ZNF578: variants seen among roughly 807,000 people sequenced by gnomAD.
ZNF578 encodes Putative chemokine-related protein B42.
Under a neutral mutation model 8.3 loss-of-function variants are expected in ZNF578, and 8 were observed. The observed-to-expected ratio is 0.96, with a 90% CI of 0.56 to 1.74. The LOEUF is 1.74. Among genes scored for constraint, ZNF578 ranks in the 40% most tolerant of loss-of-function variants. The pLI is 0.00. For synonymous variants in ZNF578, 206 were observed against 232.2 expected (o/e 0.89, Z 1.03); for missense variants, 726 against 707.5 (o/e 1.03, Z -0.30).
intron 3 of ZNF578, among the ~76,000 whole-genome samples, 183 bp downstream of exon 3, chr19:52,491,608 C>G (rs1397971191): frequency 6.6e-6 from 1 of 151,692 alleles, no homozygotes; most frequent in Non-Finnish European, 1.5e-5. Flanking sequence ...CCAGATACTC[C>G]AAAGGCTGAG....
intron 3 of ZNF578, among the ~76,000 whole-genome samples, chr19:52,497,123 G>A (rs536653233): frequency 7.0e-4 from 106 of 150,390 alleles, no homozygotes; most frequent in Admixed American, 2.1e-3. Flanking sequence ...ATATTTATTT[G>A]TTGAGACTCT....
rs149053519 is a variant in ZNF578 at position 52,472,620 on chromosome 19, A to G, written c.-122+15662A>G. Reference sequence around the variant, plus strand: ...CATTACTCTTTTCCATAAAAATCCTATTTTCCTAAGGCCATGGCATGCTCT... The same window carrying G: ...CATTACTCTTTTCCATAAAAATCCTGTTTTCCTAAGGCCATGGCATGCTCT... On this transcript the variant is annotated intron_variant, in intron 2 of 5. Coordinates refer to ENST00000421239, the MANE Select transcript of ZNF578 (RefSeq NM_001099694.2). Among the ~76,000 whole-genome samples, 4 of 152,274 alleles carry G rather than the reference A, an allele frequency of 2.6e-5. No individual in the cohort carries two copies. In the East Asian group the frequency reaches 7.7e-4, roughly 29 times the overall value.
At chr19:52,501,553 G>C (rs1267702895) in intron 3 of ZNF578, among the ~76,000 whole-genome samples, 1 of 152,150 alleles carries the variant, frequency 6.6e-6, no homozygotes, top group East Asian at 1.9e-4. Context: ...GGATGGGTCT[G>C]TGCCCTGAAG....
intron 2 of ZNF578, among the ~76,000 whole-genome samples, chr19:52,490,276 TGTTA>T (rs1305088060): frequency 1.3e-5 from 2 of 152,224 alleles, no homozygotes; most frequent in East Asian, 1.9e-4. Flanking sequence ...CCTCTGACAC[TGTTA>T]GTCAGTTCTT....
chr19:52,501,777 A>G, intron 3 of ZNF578, 50 bp from the exon 4 acceptor site: 1 of 1,584,172 alleles, frequency 6.3e-7, no homozygotes, highest in African/African-American at 1.4e-5. Context: ...TATCACAGGA[A>G]GGGAGTGAGT....
chr19:52,488,781 C>G (rs1289876856), intron 2 of ZNF578, among the ~76,000 whole-genome samples: 4 of 149,144 alleles, frequency 2.7e-5, no homozygotes. Context: ...TAGACGCCGT[C>G]TGAAAAAAAA....
At chr19:52,489,692 G>C (rs1248311203) in intron 2 of ZNF578, among the ~76,000 whole-genome samples, 1 of 149,736 alleles carries the variant, frequency 6.7e-6, no homozygotes, top group Non-Finnish European at 1.5e-5. Flanking sequence ...TTCTCACTGT[G>C]TTGCCCAGCC....
In ZNF578 at chr19:52,511,587, TG is replaced by T. The variant is rs779495382; in HGVS notation, c.1207del (p.Glu403AsnfsTer73). 9.9e-6 allele frequency: 16 copies of T among 1,613,282 alleles called. No homozygotes were observed. The highest frequency in any genetic ancestry group is 2.5e-6 in the Non-Finnish European group (3 of 1,179,182). On this transcript the variant is annotated frameshift_variant, in exon 6 of 6. Coordinates refer to ENST00000421239, the MANE Select transcript of ZNF578 (RefSeq NM_001099694.2). LOFTEE classifies it low-confidence loss of function (END_TRUNC). ...HTGEKPYKCNECGKAFNQQSH... is the reference protein window; with the variant it reads ...HTGEKPYKCNXCGKAFNQQSH... ...CTGGAGAGAAACCTTACAAGTGTAA[TG>T]AATGTGGCAAGGCTTTTAATCAACA...
intron 2 of ZNF578, among the ~76,000 whole-genome samples, chr19:52,481,364 G>T (rs1284054932): frequency 6.6e-6 from 1 of 152,206 alleles, no homozygotes; most frequent in African/African-American, 2.4e-5. Flanking sequence ...AAAGACAAAA[G>T]AATATGTTTG....
In ZNF578 at chr19:52,502,041, G is replaced by A. The variant is rs1465143370; in HGVS notation, c.63+133G>A. Reference sequence around the variant, plus strand: ...CTGAAGCATTTTGCCTGACACGTTTGCTTGCACTCACCCATGCCTGCCCTC... The same window carrying A: ...CTGAAGCATTTTGCCTGACACGTTTACTTGCACTCACCCATGCCTGCCCTC... On this transcript the variant is annotated intron_variant, in intron 4 of 5. Transcript: ENST00000421239. 65 of 1,393,766 alleles carry A rather than the reference G, an allele frequency of 4.7e-5. 1 individual carries two copies. The East Asian group carries it at 5.8e-4, about 13-fold the overall frequency. 86.3% of individuals were successfully genotyped at this position (1,393,766 alleles called of 1,614,324 possible).
chr19:52,471,366 TGTATGAGCCGGTTCTCCC>T (rs1254138233), intron 2 of ZNF578, among the ~76,000 whole-genome samples: 2 of 152,208 alleles, frequency 1.3e-5, no homozygotes, highest in Non-Finnish European at 2.9e-5. Context: ...ACTTTACAAT[TGTATGAGCCGGTTCTCCC>T]TAATAAACTC....
At chr19:52,503,198 T>A (rs574917211) in intron 4 of ZNF578, among the ~76,000 whole-genome samples, 1 of 152,304 alleles carries the variant, frequency 6.6e-6, no homozygotes, top group South Asian at 2.1e-4. Flanking sequence ...CCTTATTTTT[T>A]ATATTGTATT....
chr19:52,507,662 C>T (rs749761668), intron 5 of ZNF578, among the ~76,000 whole-genome samples: 26 of 152,200 alleles, frequency 1.7e-4, no homozygotes, highest in Non-Finnish European at 3.2e-4. Context: ...TGGTGAGAGC[C>T]TTCTTCGTGG....
At chr19:52,496,520 G>A (rs1344491778) in intron 3 of ZNF578, among the ~76,000 whole-genome samples, 1 of 145,964 alleles carries the variant, frequency 6.9e-6, no homozygotes, top group Non-Finnish European at 1.5e-5. Flanking sequence ...TAGTAGAGAC[G>A]GGGTGTCACC....
At chr19:52,509,981 A>C (rs921880028) in intron 5 of ZNF578, among the ~76,000 whole-genome samples, 2 of 151,400 alleles carry the variant, frequency 1.3e-5, no homozygotes, top group African/African-American at 2.4e-5. Flanking sequence ...TCCCCGGTTC[A>C]AGTGATTCTT....
At chr19:52,453,889 C>T (rs75495638) in intron 1 of ZNF578, 394 of 152,410 alleles carry the variant, frequency 2.6e-3, no homozygotes, top group Non-Finnish European at 4.3e-3. Flanking sequence ...AGCCCTCACC[C>T]ATGAGGTGTA....
At chr19:52,482,792 C>T (rs1186020263) in intron 2 of ZNF578, among the ~76,000 whole-genome samples, 3 of 151,706 alleles carry the variant, frequency 2.0e-5, no homozygotes, top group South Asian at 2.1e-4. Context: ...CAAAAATTAG[C>T]GGGGTGTGGT....
At chr19:52,482,364 G>A (rs775590636) in intron 2 of ZNF578, among the ~76,000 whole-genome samples, 8 of 152,080 alleles carry the variant, frequency 5.3e-5, no homozygotes, top group East Asian at 2.0e-4. Context: ...ACATCAGGAC[G>A]CGGTGGCTCA....
chr19:52,510,031 G>A (rs1438215128), intron 5 of ZNF578, among the ~76,000 whole-genome samples: 1 of 151,954 alleles, frequency 6.6e-6, no homozygotes, highest in African/African-American at 2.4e-5. Context: ...ACAGGCACGG[G>A]CCAGCACACC....
Sources: gnomAD v4.1 joint callset for allele counts (sites outside exome capture counted in the v4.1 genomes callset) on GRCh38, gnomAD v4.1.1 for gene constraint, MANE v1.5 for transcripts, NCBI Gene and HGNC (gene_info 2026-07-23, HGNC 2026-07-21) for gene names.